Variants in PKIG observed in about 807,000 individuals in gnomAD.
PKIG encodes the protein cAMP-dependent protein kinase inhibitor gamma.
Under a neutral mutation model 6.8 loss-of-function variants are expected in PKIG, and 1 was observed. The ratio of observed to expected loss-of-function variants is 0.15; its 90% CI spans 0.05 to 0.69. The LOEUF is 0.69. Among genes scored for constraint, PKIG ranks in the 30% least tolerant of loss-of-function variants. PKIG has a pLI of 0.82. For synonymous variants in PKIG, 39 were observed against 43.0 expected (o/e 0.91, Z 0.36); for missense variants, 77 against 104.0 (o/e 0.74, Z 1.13).
At chr20:44,569,220 A>G (rs1159645242) in intron 1 of PKIG, among the ~76,000 whole-genome samples, 1 of 152,212 alleles carries the variant, frequency 6.6e-6, no homozygotes, top group African/African-American at 2.4e-5. Context: ...ATTTAAAAGA[A>G]ATCTTTGATA....
At chr20:44,607,379 T>A (rs77686903) in intron 2 of PKIG, among the ~76,000 whole-genome samples, 2,212 of 116,618 alleles carry the variant, frequency 0.019, 29 homozygotes, top group African/African-American at 0.046. Flanking sequence ...ATATATATAT[T>A]TTTTTTTTTT....
chr20:44,580,385 G>A (rs1045206995), upstream of PKIG, among the ~76,000 whole-genome samples: 2 of 151,452 alleles, frequency 1.3e-5, no homozygotes, highest in Non-Finnish European at 2.9e-5. Context: ...TCTCACTGTC[G>A]CCCAAGCTGG....
chr20:44,618,529 A>G lies in PKIG; in HGVS notation c.*165A>G. On this transcript the variant is annotated 3_prime_UTR_variant, in exon 4 of 4. Coordinates refer to ENST00000372886, the MANE Select transcript of PKIG (RefSeq NM_001281445.2). Reference sequence around the variant, plus strand: ...GCCTCTGTGGCCTCCACTCCGGGAAAGCCCTCTGCCCACACCCACAGGCTT... The same window carrying G: ...GCCTCTGTGGCCTCCACTCCGGGAAGGCCCTCTGCCCACACCCACAGGCTT... 1 of 592,690 alleles carries G rather than the reference A, an allele frequency of 1.7e-6. No individual in the cohort carries two copies. Among genetic ancestry groups the G allele is most frequent in the East Asian group, 2.9e-5 (1 of 34,850 alleles). 36.7% of individuals were successfully genotyped at this position (592,690 alleles called of 1,614,324 possible). A position where few individuals can be genotyped will look rare whatever the true frequency, so the allele number is the denominator to read the frequency against.
At chr20:44,589,033 AAGT>A in intron 1 of PKIG, among the ~76,000 whole-genome samples, 1 of 152,364 alleles carries the variant, frequency 6.6e-6, no homozygotes, top group South Asian at 2.1e-4. Flanking sequence ...CAAAAGAGAG[AAGT>A]TTCCCAGGGG....
At chr20:44,616,470 T>C (rs572768314) in intron 3 of PKIG, among the ~76,000 whole-genome samples, 17 of 152,320 alleles carry the variant, frequency 1.1e-4, no homozygotes, top group African/African-American at 3.4e-4. Context: ...GGCTTCTGTG[T>C]CCTCACCCTC....
At chr20:44,611,520 C>CTTTTTTTTTTTTTTTTTTT (rs1330858238) in intron 2 of PKIG, among the ~76,000 whole-genome samples, 1 of 141,484 alleles carries the variant, frequency 7.1e-6, no homozygotes, top group Non-Finnish European at 1.6e-5. Flanking sequence ...TCTATATCAA[C>CTTTTTTTTTTTTTTTTTTT]TTTTTTTTTT....
At chr20:44,549,560 C>G (rs953304571) in intron 1 of PKIG, among the ~76,000 whole-genome samples, 3 of 152,196 alleles carry the variant, frequency 2.0e-5, no homozygotes, top group Non-Finnish European at 4.4e-5. Flanking sequence ...CGCTGTGGCT[C>G]ACACCTATAA....
At chr20:44,590,639 C>T (rs1175919843) in intron 2 of PKIG, among the ~76,000 whole-genome samples, 1 of 152,202 alleles carries the variant, frequency 6.6e-6, no homozygotes, top group Admixed American at 6.5e-5. Flanking sequence ...CACCAGGCAT[C>T]CATCAGCATC....
chr20:44,578,911 C>G (rs2064923664), upstream of PKIG, among the ~76,000 whole-genome samples: 1 of 152,112 alleles, frequency 6.6e-6, no homozygotes, highest in Admixed American at 6.5e-5. Context: ...GTGGCTCACA[C>G]CTGTAATCCC....
chr20:44,615,511 C>T (rs1308408023), intron 3 of PKIG, among the ~76,000 whole-genome samples: 1 of 152,096 alleles, frequency 6.6e-6, no homozygotes, highest in Non-Finnish European at 1.5e-5. Flanking sequence ...GCTGGAACAC[C>T]CCCACCCCCT....
In PKIG at chr20:44,557,887, G is replaced by T. The variant is rs557904537; in HGVS notation, c.-240-24698G>T. On this transcript the variant is annotated intron_variant, in intron 1 of 4. Coordinates refer to the PKIG transcript ENST00000372887. ...GTATATGGTACAAACATGAGACTTG[G>T]TGCTCTTTTGGATTCCTAAGGCTTT... Among the ~76,000 whole-genome samples, 137 of 152,076 alleles carry T rather than the reference G, an allele frequency of 9.0e-4. 1 individual carries two copies. The highest frequency in any genetic ancestry group is 3.2e-3 in the African/African-American group (132 of 41,486).
At chr20:44,561,046 C>T (rs1028142986) in intron 1 of PKIG, among the ~76,000 whole-genome samples, 15 of 152,170 alleles carry the variant, frequency 9.9e-5, no homozygotes, top group Admixed American at 5.2e-4. Context: ...AAGATAAAAA[C>T]GTCACAATGG....
At chr20:44,558,020 A>G (rs1021223283) in intron 1 of PKIG, among the ~76,000 whole-genome samples, 10 of 148,648 alleles carry the variant, frequency 6.7e-5, no homozygotes, top group African/African-American at 2.3e-4. Context: ...CCATAAAATC[A>G]CTAGTCATTA....
intron 1 of PKIG, 113 bp from the exon 2 acceptor site, chr20:44,589,684 G>A (rs1308093035): frequency 6.6e-6 from 1 of 152,162 alleles, no homozygotes; most frequent in Non-Finnish European, 1.5e-5. Context: ...GGATATGTAT[G>A]CACATTTAAC....
chr20:44,557,248 G>C (rs1046061274), intron 1 of PKIG, among the ~76,000 whole-genome samples: 3 of 152,078 alleles, frequency 2.0e-5, no homozygotes, highest in Admixed American at 1.3e-4. Context: ...GGTGGGCTGG[G>C]CGCGGTGGCT....
At chr20:44,537,039 C>A (rs1246763034) in intron 1 of PKIG, among the ~76,000 whole-genome samples, 2 of 152,190 alleles carry the variant, frequency 1.3e-5, no homozygotes, top group Admixed American at 1.3e-4. Context: ...AAGCAATTCT[C>A]CTGCCTCAGC....
intron 2 of PKIG, among the ~76,000 whole-genome samples, chr20:44,598,355 G>A (rs244097): frequency 0.23 from 34,259 of 152,112 alleles, 4,958 homozygotes; most frequent in African/African-American, 0.41. Flanking sequence ...AGGCCAGCTC[G>A]TTCGGGGAAA....
At chr20:44,616,513 C>T (rs1039179562) in intron 3 of PKIG, among the ~76,000 whole-genome samples, 6 of 152,208 alleles carry the variant, frequency 3.9e-5, no homozygotes, top group Non-Finnish European at 8.8e-5. Flanking sequence ...TCTCTCTCTC[C>T]CTCAGCAGTT....
At chr20:44,537,151 C>T (rs1300411680) in intron 1 of PKIG, among the ~76,000 whole-genome samples, 1 of 152,130 alleles carries the variant, frequency 6.6e-6, no homozygotes, top group Non-Finnish European at 1.5e-5. Context: ...ATCGCCCAGG[C>T]TGGAGTACAA....
Sources: allele counts gnomAD v4.1 joint callset (sites outside exome capture counted in the v4.1 genomes callset), GRCh38; gene constraint gnomAD v4.1.1; transcripts MANE v1.5; gene names NCBI Gene and HGNC (gene_info 2026-07-23, HGNC 2026-07-21).